QRSL1: variants seen among roughly 807,000 people sequenced by gnomAD.
The protein encoded by QRSL1 is glutamyl-tRNA(Gln) amidotransferase subunit A, mitochondrial.
A neutral mutation model predicts 61.6 loss-of-function variants in QRSL1; 54 were observed. The observed-to-expected ratio is 0.88, with a 90% CI of 0.70 to 1.10. QRSL1 has a LOEUF of 1.10. QRSL1 is among the 50% of genes least tolerant of loss of function. The pLI, the probability that QRSL1 is intolerant of heterozygous loss-of-function variation, is 0.00. For missense variants in QRSL1, 505 were observed against 622.6 expected (o/e 0.81, Z 2.01); for synonymous variants, 228 against 225.7 (o/e 1.01, Z -0.09).
chr6:106,640,758 A>T, intron 2 of QRSL1, 65 bp from the exon 3 acceptor site: 1 of 1,352,006 alleles, frequency 7.4e-7, no homozygotes. Flanking sequence ...CTGTAATAAC[A>T]TGTATTCATG....
At chr6:106,647,790 A>G (rs946914376) in intron 4 of QRSL1, among the ~76,000 whole-genome samples, 3 of 145,426 alleles carry the variant, frequency 2.1e-5, no homozygotes, top group Admixed American at 6.9e-5. Context: ...AGCTGGGACT[A>G]CAGGCGCCCG....
chr6:106,655,045 G>C (rs1426206328), intron 8 of QRSL1, 123 bp downstream of exon 8: 2 of 886,864 alleles, frequency 2.3e-6, no homozygotes, highest in Non-Finnish European at 1.7e-6. Context: ...GTTCATCAGT[G>C]AATCATTTTA....
intron 3 of QRSL1, among the ~76,000 whole-genome samples, chr6:106,641,284 C>A (rs750196216): frequency 6.6e-6 from 1 of 152,068 alleles, no homozygotes; most frequent in Non-Finnish European, 1.5e-5. Context: ...CATAGTGAGA[C>A]CTCATCTCTA....
intron 9 of QRSL1, among the ~76,000 whole-genome samples, chr6:106,662,012 A>G (rs1777365170): frequency 6.6e-6 from 1 of 152,150 alleles, no homozygotes; most frequent in African/African-American, 2.4e-5. Context: ...CGCCCGGCCT[A>G]GAACAGTTCT....
chr6:106,637,313 G>T (rs1466747638), intron 1 of QRSL1, among the ~76,000 whole-genome samples: 1 of 152,186 alleles, frequency 6.6e-6, no homozygotes, highest in African/African-American at 2.4e-5. Flanking sequence ...CTGGGGTGAG[G>T]TGAAGGAAAA....
At chr6:106,656,376 T>C (rs904766305) in intron 9 of QRSL1, among the ~76,000 whole-genome samples, 2 of 152,262 alleles carry the variant, frequency 1.3e-5, no homozygotes, top group South Asian at 2.1e-4. Context: ...GAAAAATGTA[T>C]TGAATCAACT....
intron 1 of QRSL1, among the ~76,000 whole-genome samples, chr6:106,634,731 A>G (rs1249972190): frequency 6.6e-6 from 1 of 151,846 alleles, no homozygotes; most frequent in Non-Finnish European, 1.5e-5. Flanking sequence ...ACATCCGTGC[A>G]CTCCAGGTTT....
At chr6:106,658,970 C>T (rs1359938687) in intron 9 of QRSL1, among the ~76,000 whole-genome samples, 1 of 151,962 alleles carries the variant, frequency 6.6e-6, no homozygotes, top group Non-Finnish European at 1.5e-5. Context: ...TTTTTTCCCC[C>T]AGTCTTTTTT....
Position 106,643,028 on chromosome 6 carries a change from G to A in QRSL1, c.318G>A (p.Gln106=). 2 of 1,613,312 alleles carry A rather than the reference G, an allele frequency of 1.2e-6. No homozygotes were observed. The highest frequency in any genetic ancestry group is 1.7e-6 in the Non-Finnish European group (2 of 1,179,628). Residue 106 remains glutamine (Q), a synonymous_variant, in exon 4 of 11, where the codon CAG becomes CAA. Transcript: ENST00000369046. The part of the protein sequence containing the change: ...YIPPYNATVV[Q]KLLDQGALLM... ...CACCTTATAATGCTACAGTAGTTCA[G>A]AAGTTGTTGGATCAGGGAGCTCTAC...
chr6:106,639,615 C>T (rs1776985916), intron 1 of QRSL1, among the ~76,000 whole-genome samples: 2 of 152,086 alleles, frequency 1.3e-5, no homozygotes, highest in African/African-American at 4.8e-5. Context: ...TTATTCATCC[C>T]TTTTATCTGA....
intron 1 of QRSL1, among the ~76,000 whole-genome samples, chr6:106,634,717 G>A (rs1272669448): frequency 2.0e-5 from 3 of 151,762 alleles, no homozygotes; most frequent in African/African-American, 7.3e-5. Flanking sequence ...AGTGAGGCGA[G>A]ATCACATCCG....
Position 106,666,686 on chromosome 6 carries a change from G to T in QRSL1, c.*684G>T, listed in dbSNP as rs897474039. ...AGTCCTTCTAGAGGTAACTTGGATAGCCTAGGCAGGCAACTTATCATGTGG... is the reference window on the plus strand; with the variant it reads ...AGTCCTTCTAGAGGTAACTTGGATATCCTAGGCAGGCAACTTATCATGTGG... On this transcript the variant is annotated 3_prime_UTR_variant, in exon 11 of 11. Coordinates refer to ENST00000369046, the MANE Select transcript of QRSL1 (RefSeq NM_018292.5). 6.6e-6 allele frequency: 1 copy of T among 152,500 alleles called. No individual in the cohort carries two copies. The highest frequency in any genetic ancestry group is 1.9e-4 in the East Asian group (1 of 5,200). 9.4% of individuals were successfully genotyped at this position (152,500 alleles called of 1,614,324 possible). A position where few individuals can be genotyped will look rare whatever the true frequency, so the allele number is the denominator to read the frequency against.
At position 106,664,431 on chromosome 6, in the gene QRSL1, C is replaced by A. The variant is rs148937216; in HGVS notation, c.1366+1246C>A. 1.7e-3 allele frequency among the ~76,000 whole-genome samples: 261 copies of A among 152,270 alleles called. 2 individuals are homozygous for A. Among genetic ancestry groups the A allele is most frequent in the African/African-American group, 3.5e-3 (146 of 41,566 alleles). ...TTGTCACTTCTGTTTAGAGAAATTT[C>A]TTTAGCCTTTCTTTTAGGGTAGGTC... is the stretch of plus-strand genomic sequence containing the variant. On this transcript the variant is annotated intron_variant, in intron 10 of 10. Transcript: ENST00000369046.
intron 1 of QRSL1, among the ~76,000 whole-genome samples, chr6:106,629,969 AG>A (rs36028776): frequency 0.033 from 4,990 of 152,084 alleles, 271 homozygotes; most frequent in East Asian, 0.19. Context: ...GCTCTGGTGT[AG>A]GTCGGGATCC....
In QRSL1 at chr6:106,666,306, G is replaced by A. The variant is rs1777433974; in HGVS notation, c.*304G>A. The A allele has an allele frequency of 3.2e-6, 1 of 309,136 alleles. No homozygotes were observed. The highest frequency in any genetic ancestry group is 6.1e-6 in the Non-Finnish European group (1 of 164,560). 19.1% of individuals were successfully genotyped at this position (309,136 alleles called of 1,614,324 possible). Reference sequence around the variant, plus strand: ...CACTCCAGCCTGGGTGACAAAGCAAGACTGTGTCTCAAAATAAATAAATAA... The same window carrying A: ...CACTCCAGCCTGGGTGACAAAGCAAAACTGTGTCTCAAAATAAATAAATAA... On this transcript the variant is annotated 3_prime_UTR_variant, in exon 11 of 11. Coordinates refer to ENST00000369046, the MANE Select transcript of QRSL1 (RefSeq NM_018292.5).
At chr6:106,663,888 T>G (rs1038229819) in intron 10 of QRSL1, among the ~76,000 whole-genome samples, 2 of 152,204 alleles carry the variant, frequency 1.3e-5, no homozygotes, top group East Asian at 3.8e-4. Context: ...GCCCTTCACC[T>G]GGATGTAATC....
At chr6:106,659,232 A>G (rs1458870269) in intron 9 of QRSL1, among the ~76,000 whole-genome samples, 1 of 152,174 alleles carries the variant, frequency 6.6e-6, no homozygotes, top group Non-Finnish European at 1.5e-5. Context: ...TGGGAGGCCA[A>G]GGCGGGTGGA....
chr6:106,656,003 T>C lies in QRSL1; in HGVS notation c.1160+271T>C, dbSNP rs904819916. Among the ~76,000 whole-genome samples the C allele has an allele frequency of 1.8e-4, 27 of 151,952 alleles. 1 individual carries two copies. The highest frequency in any genetic ancestry group is 4.4e-5 in the Non-Finnish European group (3 of 67,980). ...TTCAACCAAACACAAATCAAAAATATTCAAAAAATAAAAAATAACACCCAA... is the reference window on the plus strand; with the variant it reads ...TTCAACCAAACACAAATCAAAAATACTCAAAAAATAAAAAATAACACCCAA... On this transcript the variant is annotated intron_variant, in intron 9 of 10. Transcript: ENST00000369046.
chr6:106,658,349 CTCTT>C (rs1468563856), intron 9 of QRSL1, among the ~76,000 whole-genome samples: 5 of 152,018 alleles, frequency 3.3e-5, no homozygotes, highest in African/African-American at 1.2e-4. Flanking sequence ...ATATGTAGAA[CTCTT>C]TATTTTGCTT....
Sources: allele counts gnomAD v4.1 joint callset (sites outside exome capture counted in the v4.1 genomes callset), GRCh38; gene constraint gnomAD v4.1.1; transcripts MANE v1.5; gene names NCBI Gene and HGNC (gene_info 2026-07-23, HGNC 2026-07-21).